The following MSRB3 variants were observed in gnomAD, a reference collection of about 807,000 sequenced individuals.
The protein encoded by MSRB3 is methionine-R-sulfoxide reductase B3.
MSRB3 carries 13 observed loss-of-function variants against 21.0 expected under a neutral mutation model. The ratio of observed to expected loss-of-function variants is 0.62; its 90% CI spans 0.40 to 0.98. The LOEUF (loss-of-function observed/expected upper bound fraction) is 0.98, where lower values mean the gene tolerates loss of function less well. Among genes scored for constraint, MSRB3 ranks in the 50% least tolerant of loss-of-function variants. MSRB3 has a pLI of 0.00. For synonymous variants in MSRB3, 87 were observed against 88.6 expected (o/e 0.98, Z 0.10); for missense variants, 199 against 230.3 (o/e 0.86, Z 0.88).
intron 5 of MSRB3, among the ~76,000 whole-genome samples, chr12:65,443,970 T>A (rs1162900932): frequency 6.6e-6 from 1 of 152,178 alleles, no homozygotes; most frequent in Non-Finnish European, 1.5e-5. Context: ...ATATTGTAAA[T>A]ATAATGTAAA....
At chr12:65,301,981 A>G (rs1273426663) in intron 1 of MSRB3, among the ~76,000 whole-genome samples, 6 of 152,134 alleles carry the variant, frequency 3.9e-5, no homozygotes, top group Non-Finnish European at 7.4e-5. Context: ...TTTGGGTAAT[A>G]TAGTTAATTT....
chr12:65,411,893 T>A (rs1206138434), intron 5 of MSRB3, among the ~76,000 whole-genome samples: 3 of 151,628 alleles, frequency 2.0e-5, no homozygotes, highest in African/African-American at 7.3e-5. Context: ...TATTTGTTTT[T>A]ACAGGAACAG....
chr12:65,338,174 C>T (rs1221968057), intron 4 of MSRB3, among the ~76,000 whole-genome samples: 2 of 152,114 alleles, frequency 1.3e-5, no homozygotes, highest in Admixed American at 6.5e-5. Flanking sequence ...TAATTCCCTG[C>T]CATGTTTTCT....
chr12:65,291,428 G>A (rs1232151419), intron 1 of MSRB3, among the ~76,000 whole-genome samples: 1 of 150,678 alleles, frequency 6.6e-6, no homozygotes, highest in African/African-American at 2.4e-5. Flanking sequence ...GTTTTTCCAA[G>A]CTCTTGGGTA....
chr12:65,278,889 C>T, intron 1 of MSRB3, 24 bp downstream of exon 1: 1 of 1,549,992 alleles, frequency 6.5e-7, no homozygotes, highest in Non-Finnish European at 8.7e-7. Context: ...CCCCTCCCCT[C>T]TCCTCCTCGC....
intron 5 of MSRB3, among the ~76,000 whole-genome samples, chr12:65,370,963 A>C (rs926465607): frequency 2.0e-5 from 3 of 152,238 alleles, no homozygotes; most frequent in African/African-American, 4.8e-5. Flanking sequence ...TTATGACTGA[A>C]AGAATCATGA....
At chr12:65,357,775 T>C (rs1024721166) in intron 4 of MSRB3, among the ~76,000 whole-genome samples, 2 of 151,950 alleles carry the variant, frequency 1.3e-5, no homozygotes, top group Non-Finnish European at 2.9e-5. Flanking sequence ...CATAACTAGA[T>C]TGGGGTTATG....
intron 2 of MSRB3, among the ~76,000 whole-genome samples, chr12:65,325,929 G>A (rs1337235012): frequency 6.6e-6 from 1 of 152,142 alleles, no homozygotes; most frequent in Admixed American, 6.5e-5. Flanking sequence ...ACATTTTACT[G>A]CAGGCTGTAT....
At chr12:65,311,417 C>G (rs1367890471) in intron 2 of MSRB3, among the ~76,000 whole-genome samples, 2 of 152,060 alleles carry the variant, frequency 1.3e-5, no homozygotes, top group Non-Finnish European at 2.9e-5. Context: ...CTTTGGGTGT[C>G]TACATATTTT....
intron 5 of MSRB3, among the ~76,000 whole-genome samples, chr12:65,452,828 AG>A (rs1208886530): frequency 2.0e-5 from 3 of 152,162 alleles, no homozygotes; most frequent in African/African-American, 7.2e-5. Context: ...CTTGTGAAAA[AG>A]AAAAAAAAAT....
chr12:65,306,051 G>GAGAGGGTA (rs1420417416), intron 1 of MSRB3, among the ~76,000 whole-genome samples: 7 of 152,102 alleles, frequency 4.6e-5, no homozygotes, highest in Non-Finnish European at 8.8e-5. Flanking sequence ...CTGAGGCCCC[G>GAGAGGGTA]AGAGGGTAAG....
intron 5 of MSRB3, among the ~76,000 whole-genome samples, chr12:65,421,795 A>G (rs1881311372): frequency 6.6e-6 from 1 of 152,214 alleles, no homozygotes; most frequent in South Asian, 2.1e-4. Flanking sequence ...TACACAGACT[A>G]GTGACACTAC....
At chr12:65,448,408 T>C (rs1050146503) in intron 5 of MSRB3, among the ~76,000 whole-genome samples, 1 of 152,212 alleles carries the variant, frequency 6.6e-6, no homozygotes, top group African/African-American at 2.4e-5. Flanking sequence ...AATTAGGTTT[T>C]AAAGAAATTA....
At chr12:65,297,624 G>A (rs1873056352) in intron 1 of MSRB3, among the ~76,000 whole-genome samples, 1 of 152,168 alleles carries the variant, frequency 6.6e-6, no homozygotes, top group Non-Finnish European at 1.5e-5. Context: ...TGAGGATTGA[G>A]GTTCTATACT....
At chr12:65,362,484 A>G (rs1227339278) in intron 4 of MSRB3, among the ~76,000 whole-genome samples, 2 of 152,100 alleles carry the variant, frequency 1.3e-5, no homozygotes, top group East Asian at 3.9e-4. Context: ...GGGAGTGCAC[A>G]TTTTTTAGCA....
At position 65,453,788 on chromosome 12, in the gene MSRB3, C is replaced by T. The variant is rs867671100; in HGVS notation, c.353C>T (p.Ser118Phe). The change falls in exon 6 of 7, where the codon TCC becomes TTC. Residue 118 changes from serine to phenylalanine, a missense_variant. Transcript: ENST00000308259. ...GCAATCACATTCACAGATGACTTTT[C>T]CTATGGGATGCACAGGGTGGAAACA... ...SEAITFTDDFSYGMHRVETSC... is the reference protein window; with the variant it reads ...SEAITFTDDFFYGMHRVETSC... 1 of 1,614,082 alleles carries T rather than the reference C, an allele frequency of 6.2e-7. No homozygotes were observed. The highest frequency in any genetic ancestry group is 8.5e-7 in the Non-Finnish European group (1 of 1,180,006).
intron 5 of MSRB3, among the ~76,000 whole-genome samples, chr12:65,450,471 AATG>A (rs1200677652): frequency 6.6e-6 from 1 of 152,206 alleles, no homozygotes; most frequent in East Asian, 1.9e-4. Context: ...TTTGAAATGA[AATG>A]ATAATAGGCC....
chr12:65,348,565 G>GT lies in MSRB3; in HGVS notation c.263+19968dup, dbSNP rs1425925242. On this transcript the variant is annotated intron_variant, in intron 4 of 6. Transcript: ENST00000308259. ...CCTGGATTCACTGATTTTTTGAAGG[G>GT]TTTTTTGTGTCTCTATTTCCTTCAG... Among the ~76,000 whole-genome samples, 7 of 152,070 alleles carry GT rather than the reference G, an allele frequency of 4.6e-5. No homozygotes were observed. In the East Asian group the frequency reaches 9.7e-4, roughly 21 times the overall value.
At chr12:65,286,278 A>G (rs1470029354) in intron 1 of MSRB3, 2 of 152,128 alleles carry the variant, frequency 1.3e-5, no homozygotes, top group Admixed American at 6.6e-5. Context: ...GAAAACTTCT[A>G]TTTGAAAATT....
Sources: allele counts gnomAD v4.1 joint callset (sites outside exome capture counted in the v4.1 genomes callset), GRCh38; gene constraint gnomAD v4.1.1; transcripts MANE v1.5; gene names NCBI Gene and HGNC (gene_info 2026-07-23, HGNC 2026-07-21).